The following LTBP4 variants were observed in gnomAD, a reference collection of about 807,000 sequenced individuals.
The protein encoded by LTBP4 is latent-transforming growth factor beta-binding protein 4.
Under a neutral mutation model 180.2 loss-of-function variants are expected in LTBP4, and 93 were observed. The observed-to-expected ratio is 0.52, with a 90% CI of 0.44 to 0.61. The LOEUF (loss-of-function observed/expected upper bound fraction) is 0.61. LTBP4 is among the 20% of genes least tolerant of loss of function. LTBP4 has a pLI of 0.00. For synonymous variants in LTBP4, 947 were observed against 934.5 expected (o/e 1.01, Z -0.24); for missense variants, 2,116 against 2,256.5 (o/e 0.94, Z 1.26).
rs1208260963 is a variant in LTBP4, at chr19:40,627,185, A to T, written c.4196A>T (p.Tyr1399Phe). 1 of 1,612,882 alleles carries T rather than the reference A, an allele frequency of 6.2e-7. No homozygotes were observed. Among genetic ancestry groups the T allele is most frequent in the African/African-American group, 1.3e-5 (1 of 74,964 alleles). The change falls in exon 28 of 30, where the codon TAT becomes TTT. Residue 1399 changes from tyrosine to phenylalanine, a missense_variant. Coordinates refer to ENST00000396819, the MANE Select transcript of LTBP4 (RefSeq NM_001042545.2). ...PGPFARREAP[Y>F]GAPRFDMPDF... ...CCCTTCGCCCGCCGGGAGGCTCCTT[A>T]TGGGGCACCCCGCTTCGACATGCCA...
chr19:40,614,030 C>T lies in LTBP4; in HGVS notation c.2672C>T (p.Ser891Phe). 1 of 1,612,814 alleles carries T rather than the reference C, an allele frequency of 6.2e-7. No individual in the cohort carries two copies. Among genetic ancestry groups the T allele is most frequent in the Non-Finnish European group, 8.5e-7 (1 of 1,179,720 alleles). The change falls in exon 18 of 30, where the codon TCC (serine) becomes TTC (phenylalanine). Residue 891 changes from serine (S) to phenylalanine (F), a missense_variant. By Grantham distance (155) the Ser-to-Phe change is radical. Transcript: ENST00000396819. ...CACCGCGCTGGCCCGGACCTCGCCT[C>T]CTGCCTCGGTGAGAGGCCCCGCCCC... ...PGHRAGPDLA[S>F]CLDVDECRER...
Position 40,619,547 on chromosome 19 carries a change from C to A in LTBP4, c.3217+54C>A, listed in dbSNP as rs893336010. The A allele has an allele frequency of 1.9e-6, 3 of 1,542,366 alleles. No individual in the cohort carries two copies. In the South Asian group the frequency reaches 3.8e-5, roughly 19 times the overall value. On this transcript the variant is annotated intron_variant, in intron 22 of 29. Coordinates refer to ENST00000396819, the MANE Select transcript of LTBP4 (RefSeq NM_001042545.2). ...GGCGGCTGGCCCCATGGGAAAATCA[C>A]GTGGTCTAATCATTCCTGATGTGGA...
At position 40,607,261 on chromosome 19, in the gene LTBP4, A is replaced by AACCCC; in HGVS notation, c.992-104_992-103insACCCC. 7 of 490,448 alleles carry AACCCC rather than the reference A, an allele frequency of 1.4e-5. 1 individual carries two copies. Among genetic ancestry groups the AACCCC allele is most frequent in the East Asian group, 5.8e-5 (1 of 17,368 alleles). 30.4% of individuals were successfully genotyped at this position (490,448 alleles called of 1,614,324 possible). A position where few individuals can be genotyped will look rare whatever the true frequency, so the allele number is the denominator to read the frequency against. ...TCCCAAATGCCCCTCGCACCCACCA[A>AACCCC]CCCCCCACCCCCAACCCCAGAACCA... On this transcript the variant is annotated intron_variant, in intron 6 of 29. Coordinates refer to ENST00000396819, the MANE Select transcript of LTBP4 (RefSeq NM_001042545.2).
upstream of LTBP4, chr19:40,598,459 G>A (rs892227637): frequency 2.6e-5 from 4 of 151,976 alleles, no homozygotes; most frequent in Non-Finnish European, 5.9e-5. Context: ...CTTGTCTGGG[G>A]GGCCCCTTCA....
chr19:40,623,719 G>T lies in LTBP4; in HGVS notation c.3672G>T (p.Arg1224=), dbSNP rs752683931. The change falls in exon 25 of 30, where the codon CGG becomes CGT. Residue 1224 remains arginine (R), a synonymous_variant. Coordinates refer to ENST00000396819, the MANE Select transcript of LTBP4 (RefSeq NM_001042545.2). ...ACGGCTACTACTACCACACACAGCG[G>T]CTGGAGTGCATCGGTACAAGCCCCA... ...CSNGYYYHTQ[R]LECIDNDECA... The T allele has an allele frequency of 1.1e-5, 18 of 1,613,920 alleles. No homozygotes were observed. The East Asian group carries it at 3.8e-4, about 34-fold the overall frequency.
chr19:40,610,433 A>G, intron 11 of LTBP4, 99 bp from the exon 12 acceptor site: 1 of 1,422,846 alleles, frequency 7.0e-7, no homozygotes, highest in Non-Finnish European at 9.4e-7. Flanking sequence ...CTCTGGCCCA[A>G]GCTTGGTCCC....
chr19:40,609,402 TG>T lies in LTBP4; in HGVS notation c.1427-125del. ...AAAAAGATGGAGATCAGAAGAAGACTGGGCTTGCTTGGGGAGGAGACATCCA... is the reference window on the plus strand; with the variant it reads ...AAAAAGATGGAGATCAGAAGAAGACTGGCTTGCTTGGGGAGGAGACATCCA... On this transcript the variant is annotated intron_variant, in intron 9 of 29. Coordinates refer to ENST00000396819, the MANE Select transcript of LTBP4 (RefSeq NM_001042545.2). The surrounding 1 kb of genome is among the most constrained non-coding windows in gnomAD (Gnocchi z 4.9). The T allele has an allele frequency of 8.3e-7, 1 of 1,206,460 alleles. No individual in the cohort carries two copies. Among genetic ancestry groups the T allele is most frequent in the Non-Finnish European group, 1.2e-6 (1 of 851,156 alleles). The allele number at this position is 1,206,460 out of a possible 1,614,324, so 74.7% of individuals were successfully genotyped here.
intron 26 of LTBP4, among the ~76,000 whole-genome samples, chr19:40,625,295 TATATATA>T (rs2081622844): frequency 1.3e-4 from 2 of 15,042 alleles, no homozygotes; most frequent in Non-Finnish European, 2.0e-4. Flanking sequence ...TATATATATA[TATATATA>T]TATATATATA....
upstream of LTBP4, chr19:40,599,147 G>C: frequency 3.2e-6 from 5 of 1,546,010 alleles, no homozygotes; most frequent in Non-Finnish European, 4.4e-6. Context: ...CTCCTTTGCA[G>C]AGTTCTGGGG....
chr19:40,613,787 G>A lies in LTBP4; in HGVS notation c.2558-129G>A. 5.7e-6 allele frequency: 8 copies of A among 1,406,008 alleles called. No homozygotes were observed. Among genetic ancestry groups the A allele is most frequent in the Non-Finnish European group, 7.8e-6 (8 of 1,021,196 alleles). 87.1% of individuals were successfully genotyped at this position (1,406,008 alleles called of 1,614,324 possible). A position where few individuals can be genotyped will look rare whatever the true frequency, so the allele number is the denominator to read the frequency against. ...TCGGGGGGCGGTGTTTGCAGGGAGGGAAGTAGCGTGAGGCAGGTTGGGGAA... is the reference window on the plus strand; with the variant it reads ...TCGGGGGGCGGTGTTTGCAGGGAGGAAAGTAGCGTGAGGCAGGTTGGGGAA... On this transcript the variant is annotated intron_variant, in intron 17 of 29. Transcript: ENST00000396819. The surrounding 1 kb of genome is among the most constrained non-coding windows in gnomAD (Gnocchi z 5.0).
chr19:40,622,994 C>G lies in LTBP4; in HGVS notation c.3529C>G (p.Pro1177Ala). ...CCCTCACGGCCGGGGCTACCTGGCG[C>G]CCAGTGGAGACCTGAGCCTCCGGAG... Reference protein sequence around the residue: ...LCPHGRGYLAPSGDLSLRRDV... With the variant: ...LCPHGRGYLAASGDLSLRRDV... Residue 1177 changes from proline (P) to alanine (A), a missense_variant, in exon 24 of 30, where the codon CCC becomes GCC. Pro to Ala is a conservative substitution (Grantham distance 27, BLOSUM62 -1). This residue lies in a region of LTBP4 where 278 missense variants were observed against 373.0 expected (regional missense o/e 0.75). Coordinates refer to ENST00000396819, the MANE Select transcript of LTBP4 (RefSeq NM_001042545.2). The surrounding 1 kb of genome is among the most constrained non-coding windows in gnomAD (Gnocchi z 5.1). The G allele has an allele frequency of 6.2e-7, 1 of 1,612,796 alleles. No individual in the cohort carries two copies. The highest frequency in any genetic ancestry group is 8.5e-7 in the Non-Finnish European group (1 of 1,179,518).
chr19:40,610,709 C>T (rs2081499862), intron 12 of LTBP4, 52 bp downstream of exon 12: 2 of 1,537,968 alleles, frequency 1.3e-6, no homozygotes, highest in East Asian at 2.3e-5. Flanking sequence ...TTGGGTAGAG[C>T]GCAGTGATGA....
rs1308090178 is a variant in LTBP4 at position 40,629,260 on chromosome 19, T to TAGC, written c.4520-133_4520-131dup. 14 of 1,135,808 alleles carry TAGC rather than the reference T, an allele frequency of 1.2e-5. No homozygotes were observed. The highest frequency in any genetic ancestry group is 1.9e-5 in the Admixed American group (1 of 54,012). The allele number at this position is 1,135,808 out of a possible 1,614,324, so 70.4% of individuals were successfully genotyped here. A position where few individuals can be genotyped will look rare whatever the true frequency, so the allele number is the denominator to read the frequency against. ...AGCCACCTGGCCGGGCTCACACAGTTAGCAGATGGCAGAGGCCAGATTGGA... is the reference window on the plus strand; with the variant it reads ...AGCCACCTGGCCGGGCTCACACAGTTAGCAGCAGATGGCAGAGGCCAGATTGGA... On this transcript the variant is annotated intron_variant, in intron 29 of 29. Coordinates refer to ENST00000396819, the MANE Select transcript of LTBP4 (RefSeq NM_001042545.2). This position sits in a 1 kb window ranked among gnomAD's most constrained non-coding sequence, Gnocchi z 4.5.
At chr19:40,599,251 C>T (rs372328106), upstream of LTBP4, 10 of 1,613,486 alleles carry the variant, frequency 6.2e-6, no homozygotes, top group African/African-American at 1.3e-5. Context: ...GCCGCTGCAT[C>T]CGAGGTGGGT....
chr19:40,609,997 GCCCTT>G lies in LTBP4; in HGVS notation c.1684+127_1684+131del. The stretch of plus-strand genomic sequence containing the variant: ...CCCGCCCCAGGACTGCTCTGCCCTG[GCCCTT>G]GGCCCTGCCCTTCCCTGACCCGCCT... On this transcript the variant is annotated intron_variant, in intron 11 of 29. Transcript: ENST00000396819. The surrounding 1 kb of genome is among the most constrained non-coding windows in gnomAD (Gnocchi z 4.9). 1.5e-6 allele frequency: 2 copies of G among 1,323,372 alleles called. No individual in the cohort carries two copies. Among genetic ancestry groups the G allele is most frequent in the Non-Finnish European group, 2.0e-6 (2 of 1,000,120 alleles). The allele number at this position is 1,323,372 out of a possible 1,614,324, so 82.0% of individuals were successfully genotyped here. A position where few individuals can be genotyped will look rare whatever the true frequency, so the allele number is the denominator to read the frequency against.
intron 19 of LTBP4, 84 bp from the exon 20 acceptor site, chr19:40,616,805 T>TCTTA: frequency 6.7e-7 from 1 of 1,492,396 alleles, no homozygotes; most frequent in Non-Finnish European, 9.2e-7. Context: ...GCTAAAGACT[T>TCTTA]CTTAGTCTTG....
chr19:40,613,760 C>G lies in LTBP4; in HGVS notation c.2558-156C>G. The stretch of plus-strand genomic sequence containing the variant: ...GATTGTAAAGAAGCTGTTCTAAACC[C>G]GTCGGGGGGCGGTGTTTGCAGGGAG... On this transcript the variant is annotated intron_variant, in intron 17 of 29. Coordinates refer to ENST00000396819, the MANE Select transcript of LTBP4 (RefSeq NM_001042545.2). This position sits in a 1 kb window ranked among gnomAD's most constrained non-coding sequence, Gnocchi z 5.0. 1 of 1,297,066 alleles carries G rather than the reference C, an allele frequency of 7.7e-7. No homozygotes were observed. Among genetic ancestry groups the G allele is most frequent in the Non-Finnish European group, 1.1e-6 (1 of 929,892 alleles). The allele number at this position is 1,297,066 out of a possible 1,614,324, so 80.3% of individuals were successfully genotyped here. A position where few individuals can be genotyped will look rare whatever the true frequency, so the allele number is the denominator to read the frequency against.
At chr19:40,626,759 T>C (rs2081636147) in intron 27 of LTBP4, among the ~76,000 whole-genome samples, 1 of 152,156 alleles carries the variant, frequency 6.6e-6, no homozygotes, top group Non-Finnish European at 1.5e-5. Flanking sequence ...TTCCAGCCTC[T>C]CAGACCCTGA....
intron 1 of LTBP4, among the ~76,000 whole-genome samples, chr19:40,593,668 T>A (rs891819623): frequency 1.3e-4 from 20 of 149,294 alleles, no homozygotes; most frequent in African/African-American, 4.7e-4. Context: ...ATGGTGGTGT[T>A]TTGTAATGCT....
Sources: gnomAD v4.1 joint callset for allele counts (sites outside exome capture counted in the v4.1 genomes callset) on GRCh38, gnomAD v4.1.1 for gene constraint, gnomAD v4.1.1 regional missense constraint, Gnocchi (gnomAD v3.1) non-coding constraint, MANE v1.5 for transcripts, NCBI Gene and HGNC (gene_info 2026-07-23, HGNC 2026-07-21) for gene names.